The following LMNB1 variants were observed in gnomAD, a reference collection of about 807,000 sequenced individuals.
LMNB1 encodes lamin B1, also known as lamin-B1.
A neutral mutation model predicts 67.1 loss-of-function variants in LMNB1; 23 were observed. The observed-to-expected ratio is 0.34, with a 90% CI of 0.25 to 0.49. The LOEUF (loss-of-function observed/expected upper bound fraction) is 0.49, where lower values mean the gene tolerates loss of function less well. LMNB1 is among the 20% of genes least tolerant of loss of function. The pLI is 0.99. For synonymous variants in LMNB1, 281 were observed against 282.9 expected, an observed-to-expected ratio of 0.99 and a Z score of 0.07; for missense variants, 634 against 746.5, an observed-to-expected ratio of 0.85 and a Z score of 1.76.
intron 6 of LMNB1, 121 bp from the exon 7 acceptor site, chr5:126,820,789 G>A: frequency 1.4e-6 from 1 of 727,088 alleles, no homozygotes; most frequent in South Asian, 1.9e-5. Context: ...GCCTCCCAAA[G>A]TGCTGTTGGG....
chr5:126,825,265 A>G (rs1029488967), intron 8 of LMNB1, among the ~76,000 whole-genome samples: 25 of 152,340 alleles, frequency 1.6e-4, no homozygotes, highest in African/African-American at 6.0e-4. Context: ...ATATATAAAA[A>G]GAATTTCATG....
At chr5:126,800,981 A>ATTTTTTTTTTTTTT (rs1554113727) in intron 1 of LMNB1, among the ~76,000 whole-genome samples, 3 of 28,052 alleles carry the variant, frequency 1.1e-4, no homozygotes, top group African/African-American at 1.1e-4. Flanking sequence ...ATATATATAT[A>ATTTTTTTTTTTTTT]ATTTTTTTTT....
rs188204781 is a variant in LMNB1, at chr5:126,790,963, A to G, written c.359+13096A>G. Among the ~76,000 whole-genome samples, 443 of 152,078 alleles carry G rather than the reference A, an allele frequency of 2.9e-3. 2 individuals carry two copies. Among genetic ancestry groups the G allele is most frequent in the Admixed American group, 7.0e-3 (107 of 15,276 alleles). Reference sequence around the variant, plus strand: ...TTGAACCCGGGAGGTGGAGGTTGCAATGAGCCCAGGTCGCGCCATTGCACT... The same window carrying G: ...TTGAACCCGGGAGGTGGAGGTTGCAGTGAGCCCAGGTCGCGCCATTGCACT... On this transcript the variant is annotated intron_variant, in intron 1 of 10. Transcript: ENST00000261366.
chr5:126,778,761 CTG>C (rs1439750930), intron 1 of LMNB1, among the ~76,000 whole-genome samples: 6 of 152,178 alleles, frequency 3.9e-5, no homozygotes, highest in Admixed American at 3.3e-4. Context: ...CGGGTAGAGA[CTG>C]TGCTTAGTAC....
rs1332039988 is a variant in LMNB1 at position 126,800,982 on chromosome 5, A to AATTTTTTT, written c.360-3794_360-3793insATTTTTTT. On this transcript the variant is annotated intron_variant, in intron 1 of 10. Coordinates refer to ENST00000261366, the MANE Select transcript of LMNB1 (RefSeq NM_005573.4). Reference sequence around the variant, plus strand: ...ATATATATATATATATATATATATAATTTTTTTTTTTTTTTTTTGGTGGTA... The same window carrying AATTTTTTT: ...ATATATATATATATATATATATATAAATTTTTTTTTTTTTTTTTTTTTTTTTGGTGGTA... Among the ~76,000 whole-genome samples the AATTTTTTT allele has an allele frequency of 4.8e-4, 9 of 18,636 alleles. 1 individual carries two copies. The highest frequency in any genetic ancestry group is 1.2e-3 in the African/African-American group (7 of 5,926). The allele number at this position is 18,636 out of a possible 152,430, so 12.2% of individuals were successfully genotyped here.
chr5:126,835,651 T>C (rs1035151184), intron 10 of LMNB1, among the ~76,000 whole-genome samples: 1 of 152,228 alleles, frequency 6.6e-6, no homozygotes, highest in Middle Eastern at 3.2e-3. Flanking sequence ...CCTTTCCCAG[T>C]AAAATGAGAA....
intron 7 of LMNB1, 124 bp downstream of exon 7, chr5:126,821,259 C>T (rs2126729540): frequency 6.5e-6 from 4 of 615,550 alleles, no homozygotes; most frequent in South Asian, 4.3e-5. Context: ...GGGTTTATGT[C>T]CTTTTTACTT....
intron 1 of LMNB1, among the ~76,000 whole-genome samples, chr5:126,788,925 G>A (rs1233473233): frequency 6.6e-6 from 1 of 150,972 alleles, no homozygotes; most frequent in African/African-American, 2.4e-5. Flanking sequence ...TTTGAGACAA[G>A]GTCTTGTTCT....
rs201464141 is a variant in LMNB1, at chr5:126,778,726, CCTCCTCGTAGTATAGT to C, written c.359+861_359+876del. ...AGCGGCCCTCTGTCCCCAGCTTTTG[CCTCCTCGTAGTATAGT>C]CAGGCTTTCGGGTAGAGACTGTGCT... On this transcript the variant is annotated intron_variant, in intron 1 of 10. Transcript: ENST00000261366. 6.2e-3 allele frequency among the ~76,000 whole-genome samples: 950 copies of C among 152,246 alleles called. 28 individuals are homozygous for C. Among genetic ancestry groups the C allele is most frequent in the Admixed American group, 0.043 (661 of 15,274 alleles).
chr5:126,776,752 C>G (rs997450669), upstream of LMNB1: 1 of 152,258 alleles, frequency 6.6e-6, no homozygotes. Context: ...AGATCCGTCC[C>G]GGAAACCTCC....
chr5:126,829,925 T>C (rs748494436), intron 9 of LMNB1, among the ~76,000 whole-genome samples: 4 of 152,044 alleles, frequency 2.6e-5, no homozygotes, highest in Non-Finnish European at 4.4e-5. Context: ...AAAACAGCGA[T>C]TGTCACCATG....
intron 3 of LMNB1, among the ~76,000 whole-genome samples, chr5:126,807,658 T>G (rs566283420): frequency 6.6e-6 from 1 of 152,328 alleles, no homozygotes; most frequent in South Asian, 2.1e-4. Flanking sequence ...TTTGTAAAAA[T>G]TGTGATTTAT....
chr5:126,779,167 T>TA (rs1750560387), intron 1 of LMNB1, among the ~76,000 whole-genome samples: 2 of 152,206 alleles, frequency 1.3e-5, no homozygotes, highest in African/African-American at 4.8e-5. Flanking sequence ...TGTGTATTTT[T>TA]ACTTATCCCT....
At position 126,812,718 on chromosome 5, in the gene LMNB1, C is replaced by CTTTTTTT. The variant is rs11430160; in HGVS notation, c.939+838_939+844dup. On this transcript the variant is annotated intron_variant, in intron 5 of 10. Coordinates refer to ENST00000261366, the MANE Select transcript of LMNB1 (RefSeq NM_005573.4). Reference sequence around the variant, plus strand: ...CCACATGAGAATAAACTTTATTTTACTTTTTTTTTTTTTTTTTTTTTTTTC... The same window carrying CTTTTTTT: ...CCACATGAGAATAAACTTTATTTTACTTTTTTTTTTTTTTTTTTTTTTTTTTTTTTTC... Among the ~76,000 whole-genome samples, 61 of 117,142 alleles carry CTTTTTTT rather than the reference C, an allele frequency of 5.2e-4. 1 individual carries two copies. Among genetic ancestry groups the CTTTTTTT allele is most frequent in the South Asian group, 1.0e-3 (4 of 3,902 alleles). The allele number at this position is 117,142 out of a possible 152,430, so 76.8% of individuals were successfully genotyped here.
At chr5:126,777,112 C>T (rs1750472558), upstream of LMNB1, 1 of 163,234 alleles carries the variant, frequency 6.1e-6, no homozygotes, top group Admixed American at 6.5e-5. Flanking sequence ...CCCGCCCCTC[C>T]CGGCCCTCCT....
chr5:126,777,815 C>A lies in LMNB1; in HGVS notation c.307C>A (p.Leu103Met). 1 of 1,486,734 alleles carries A rather than the reference C, an allele frequency of 6.7e-7. No homozygotes were observed. The allele number at this position is 1,486,734 out of a possible 1,614,324, so 92.1% of individuals were successfully genotyped here. Residue 103 changes from leucine (L) to methionine (M), a missense_variant, in exon 1 of 11, where the codon CTG (leucine) becomes ATG (methionine). Coordinates refer to ENST00000261366, the MANE Select transcript of LMNB1 (RefSeq NM_005573.4). ...LDDTARERAK[L>M]QIELGKCKAE... Reference sequence around the variant, plus strand: ...CGACACGGCCCGCGAGCGCGCCAAGCTGCAGATCGAGCTGGGCAAGTGCAA... The same window carrying A: ...CGACACGGCCCGCGAGCGCGCCAAGATGCAGATCGAGCTGGGCAAGTGCAA...
chr5:126,801,605 A>G (rs1409729833), intron 1 of LMNB1, among the ~76,000 whole-genome samples: 2 of 152,220 alleles, frequency 1.3e-5, no homozygotes, highest in African/African-American at 4.8e-5. Flanking sequence ...GTTTTGAGCT[A>G]TTTGCATGTA....
At chr5:126,820,839 G>GTTT in intron 6 of LMNB1, 71 bp from the exon 7 acceptor site, 51 of 1,049,808 alleles carry the variant, frequency 4.9e-5, no homozygotes, top group Non-Finnish European at 6.2e-5. Flanking sequence ...TTGTTTTTTT[G>GTTT]TTTTTTTTTT....
At chr5:126,807,148 G>C (rs1473869745) in intron 3 of LMNB1, among the ~76,000 whole-genome samples, 2 of 152,134 alleles carry the variant, frequency 1.3e-5, no homozygotes, top group African/African-American at 4.8e-5. Flanking sequence ...GGGCAAAACC[G>C]TTGTCAAACA....
Sources: gnomAD v4.1 joint callset for allele counts (sites outside exome capture counted in the v4.1 genomes callset) on GRCh38, gnomAD v4.1.1 for gene constraint, MANE v1.5 for transcripts, NCBI Gene and HGNC (gene_info 2026-07-23, HGNC 2026-07-21) for gene names.